Variants in NCOA1 observed in about 807,000 individuals in gnomAD.
NCOA1 encodes the protein Hin-2 protein.
Under a neutral mutation model 150.9 loss-of-function variants are expected in NCOA1, and 35 were observed. The observed-to-expected ratio is 0.23, with a 90% CI of 0.18 to 0.31. The LOEUF (loss-of-function observed/expected upper bound fraction) is 0.31. Ranked by LOEUF, NCOA1 falls within the 10% of genes least tolerant of loss-of-function variation. The pLI is 1.00. For missense variants in NCOA1, 1,491 were observed against 1,749.3 expected (o/e 0.85, Z 2.63); for synonymous variants, 590 against 630.0 (o/e 0.94, Z 0.95).
chr2:24,648,133 AT>A (rs902083018), intron 4 of NCOA1, among the ~76,000 whole-genome samples: 10 of 150,340 alleles, frequency 6.7e-5, no homozygotes, highest in South Asian at 2.1e-4. Flanking sequence ...AATGCTTGGG[AT>A]TTTTTTTTTC....
intron 3 of NCOA1, among the ~76,000 whole-genome samples, chr2:24,589,583 A>ATCTCCAGCT (rs1187053291): frequency 1.3e-5 from 2 of 151,620 alleles, no homozygotes. Context: ...TGGAGTGGCT[A>ATCTCCAGCT]TCTCCAGCTT....
chr2:24,751,907 C>T, intron 19 of NCOA1, 75 bp from the exon 20 acceptor site: 1 of 1,324,708 alleles, frequency 7.5e-7, no homozygotes, highest in East Asian at 2.4e-5. Context: ...GTGACAGATC[C>T]TTTTGGGTTT....
intron 17 of NCOA1, among the ~76,000 whole-genome samples, chr2:24,731,614 A>G (rs1663015500): frequency 6.6e-6 from 1 of 152,178 alleles, no homozygotes; most frequent in African/African-American, 2.4e-5. Context: ...CAATAAAAGG[A>G]ATAATTTTTT....
intron 17 of NCOA1, among the ~76,000 whole-genome samples, chr2:24,733,407 A>C (rs1663120533): frequency 1.3e-5 from 2 of 152,370 alleles, no homozygotes; most frequent in South Asian, 4.1e-4. Flanking sequence ...ATGAGAAAGA[A>C]ACAAAATTAT....
rs75681012 is a variant in NCOA1, at chr2:24,633,284, A to G, written c.-174-10682A>G. 7.7e-3 allele frequency among the ~76,000 whole-genome samples: 1,165 copies of G among 152,208 alleles called. 17 individuals are homozygous for G. Among genetic ancestry groups the G allele is most frequent in the African/African-American group, 0.027 (1,107 of 41,548 alleles). On this transcript the variant is annotated intron_variant, in intron 3 of 22. Coordinates refer to ENST00000348332, the MANE Select transcript of NCOA1 (RefSeq NM_003743.5). The stretch of plus-strand genomic sequence containing the variant: ...AAGAATTTTTACCAATTAAGAACAT[A>G]TAGTAGAAAAGAAAAACTCAAAGAA...
At chr2:24,546,996 A>G (rs1665629960) in intron 1 of NCOA1, among the ~76,000 whole-genome samples, 1 of 152,218 alleles carries the variant, frequency 6.6e-6, no homozygotes, top group South Asian at 2.1e-4. Context: ...GGTCAGAGCA[A>G]GTCACAAGGC....
intron 1 of NCOA1, among the ~76,000 whole-genome samples, chr2:24,552,057 G>A (rs543048412): frequency 4.6e-5 from 7 of 151,898 alleles, no homozygotes; most frequent in African/African-American, 7.3e-5. Flanking sequence ...TAGCTTTATG[G>A]AAAGTCTTGA....
At chr2:24,602,680 C>A (rs927484046) in intron 3 of NCOA1, among the ~76,000 whole-genome samples, 5 of 151,560 alleles carry the variant, frequency 3.3e-5, no homozygotes, top group African/African-American at 9.7e-5. Flanking sequence ...TTAAATAAAA[C>A]GTTTTAAATA....
rs186102142 is a variant in NCOA1, at chr2:24,524,718, C to G, written c.-396+33116C>G. Among the ~76,000 whole-genome samples, 3 of 152,292 alleles carry G rather than the reference C, an allele frequency of 2.0e-5. No individual in the cohort carries two copies. In the East Asian group the frequency reaches 5.8e-4, roughly 29 times the overall value. ...CACCTCCCGGGTTCAAGTAATTCTC[C>G]TGCCTCAGCCTCCTGAGTAGCTGGG... is the stretch of plus-strand genomic sequence containing the variant. On this transcript the variant is annotated intron_variant, in intron 1 of 22. Transcript: ENST00000348332.
chr2:24,624,863 A>G (rs1414886193), intron 3 of NCOA1, among the ~76,000 whole-genome samples: 2 of 152,174 alleles, frequency 1.3e-5, no homozygotes, highest in Non-Finnish European at 2.9e-5. Flanking sequence ...AGGAGGAGAA[A>G]GAGTATGTGT....
intron 4 of NCOA1, among the ~76,000 whole-genome samples, chr2:24,654,710 A>G (rs1670851623): frequency 6.6e-6 from 1 of 152,124 alleles, no homozygotes; most frequent in South Asian, 2.1e-4. Flanking sequence ...AAGACCTTAC[A>G]TGGTATAGCC....
chr2:24,598,537 C>A (rs1377463484), intron 3 of NCOA1, among the ~76,000 whole-genome samples: 1 of 152,094 alleles, frequency 6.6e-6, no homozygotes, highest in Non-Finnish European at 1.5e-5. Flanking sequence ...AGAAAGTATG[C>A]ATGCTGTGCA....
At chr2:24,657,995 C>G (rs1671019645) in intron 4 of NCOA1, among the ~76,000 whole-genome samples, 1 of 152,152 alleles carries the variant, frequency 6.6e-6, no homozygotes, top group South Asian at 2.1e-4. Flanking sequence ...CTAACTGGTG[C>G]AACATGTGAG....
chr2:24,673,173 ATTACT>A (rs1671758439), intron 6 of NCOA1, among the ~76,000 whole-genome samples, 188 bp from the exon 7 acceptor site: 2 of 152,206 alleles, frequency 1.3e-5, no homozygotes, highest in African/African-American at 4.8e-5. Flanking sequence ...TTTCAGGCAC[ATTACT>A]TAACCTTTGT....
intron 2 of NCOA1, among the ~76,000 whole-genome samples, chr2:24,575,165 T>G (rs1028973222): frequency 2.0e-5 from 3 of 152,174 alleles, no homozygotes; most frequent in Non-Finnish European, 4.4e-5. Flanking sequence ...TGGTATTCGC[T>G]TTCATTATTT....
chr2:24,707,993 C>G, intron 13 of NCOA1, 105 bp downstream of exon 13: 2 of 1,368,058 alleles, frequency 1.5e-6, no homozygotes, highest in South Asian at 3.1e-5. Flanking sequence ...ATGTTTTATC[C>G]TATCCATTGG....
At chr2:24,493,557 G>A (rs1663070054) in intron 1 of NCOA1, among the ~76,000 whole-genome samples, 1 of 151,726 alleles carries the variant, frequency 6.6e-6, no homozygotes, top group Non-Finnish European at 1.5e-5. Flanking sequence ...CTTTTTGTGT[G>A]GTTTAAACCA....
rs1278106047 is a variant in NCOA1 at position 24,655,891 on chromosome 2, A to G, written c.-17-2770A>G. On this transcript the variant is annotated intron_variant, in intron 4 of 22. Transcript: ENST00000348332. ...ATCACTAGGTCAGGAGATCGAGACC[A>G]TCCTGGCTAACATGGTGAAACCCCA... Among the ~76,000 whole-genome samples, 3 of 152,042 alleles carry G rather than the reference A, an allele frequency of 2.0e-5. No individual in the cohort carries two copies. The East Asian group carries it at 5.8e-4, about 29-fold the overall frequency.
At chr2:24,720,161 T>C (rs1048097922) in intron 14 of NCOA1, among the ~76,000 whole-genome samples, 12 of 152,192 alleles carry the variant, frequency 7.9e-5, no homozygotes, top group Non-Finnish European at 1.6e-4. Context: ...AATAGCAATA[T>C]ATGCATATTT....
Sources: gnomAD v4.1 joint callset for allele counts (sites outside exome capture counted in the v4.1 genomes callset) on GRCh38, gnomAD v4.1.1 for gene constraint, MANE v1.5 for transcripts, NCBI Gene and HGNC (gene_info 2026-07-23, HGNC 2026-07-21) for gene names.